The following CADM2 variants were observed in gnomAD, a reference collection of about 807,000 sequenced individuals.
CADM2 encodes immunoglobulin superfamily member 4D.
CADM2 carries 12 observed loss-of-function variants against 49.8 expected under a neutral mutation model. That is an observed-to-expected ratio of 0.24 (90% confidence interval 0.15 to 0.39). The LOEUF (loss-of-function observed/expected upper bound fraction) is 0.39. Ranked by LOEUF, CADM2 falls within the 10% of genes least tolerant of loss-of-function variation. The probability of loss-of-function intolerance (pLI) is 1.00; values close to 1 mark genes in which losing one functional copy is unlikely to be tolerated. For missense variants in CADM2, 378 were observed against 492.3 expected, an observed-to-expected ratio of 0.77 and a Z score of 2.20; for synonymous variants, 214 against 175.4, an observed-to-expected ratio of 1.22 and a Z score of -1.74.
intron 1 of CADM2, among the ~76,000 whole-genome samples, chr3:85,709,468 T>C (rs754052435): frequency 6.6e-6 from 1 of 152,138 alleles, no homozygotes; most frequent in South Asian, 2.1e-4. Context: ...GAGGCAGTGC[T>C]TTGTTAATAT....
chr3:85,120,053 A>T (rs2101343), intron 1 of CADM2, among the ~76,000 whole-genome samples: 11,855 of 152,274 alleles, frequency 0.078, 1,519 homozygotes, highest in African/African-American at 0.27. Context: ...TCTCAAAAGA[A>T]GATGTATATG....
intron 1 of CADM2, among the ~76,000 whole-genome samples, chr3:85,289,527 T>G (rs1042840911): frequency 3.9e-5 from 6 of 152,212 alleles, no homozygotes; most frequent in African/African-American, 4.8e-5. Flanking sequence ...AGCCCCAACA[T>G]GAACCTTCTT....
chr3:85,801,918 T>C lies in CADM2; in HGVS notation c.89-129T>C, dbSNP rs577871346. ...AATTATTTTTCTGTCTTTTGTAATA[T>C]ACAGTTTTGTCGTTGTTTGGTTGTT... On this transcript the variant is annotated intron_variant, in intron 2 of 9. Coordinates refer to ENST00000383699, the MANE Select transcript of CADM2 (RefSeq NM_001167675.2). 5 of 685,298 alleles carry C rather than the reference T, an allele frequency of 7.3e-6. No homozygotes were observed. In the South Asian group the frequency reaches 7.4e-5, roughly 10 times the overall value. 42.5% of individuals were successfully genotyped at this position (685,298 alleles called of 1,614,324 possible). A position where few individuals can be genotyped will look rare whatever the true frequency, so the allele number is the denominator to read the frequency against.
intron 3 of CADM2, among the ~76,000 whole-genome samples, chr3:85,829,237 G>A (rs1481025338): frequency 1.3e-5 from 2 of 151,644 alleles, no homozygotes; most frequent in African/African-American, 2.4e-5. Flanking sequence ...TGAAGGACTG[G>A]CTTTCTCTGC....
chr3:85,562,555 C>T (rs2062127998), intron 1 of CADM2, among the ~76,000 whole-genome samples: 1 of 148,662 alleles, frequency 6.7e-6, no homozygotes, highest in Non-Finnish European at 1.5e-5. Flanking sequence ...ATAATTCTGA[C>T]ACATGGTAGA....
chr3:85,294,557 A>T (rs1468442983), intron 1 of CADM2, among the ~76,000 whole-genome samples: 5 of 152,106 alleles, frequency 3.3e-5, no homozygotes, highest in Admixed American at 6.6e-5. Context: ...AGGCTACAGT[A>T]CCCAAAACAG....
chr3:85,021,345 G>A (rs1056576260), intron 1 of CADM2, among the ~76,000 whole-genome samples: 42 of 152,148 alleles, frequency 2.8e-4, no homozygotes, highest in African/African-American at 9.9e-4. Context: ...AGTTAGTGTA[G>A]GTGATTTGTC....
At chr3:85,021,138 G>A (rs1169022176) in intron 1 of CADM2, among the ~76,000 whole-genome samples, 19 of 145,030 alleles carry the variant, frequency 1.3e-4, no homozygotes, top group South Asian at 4.3e-4. Context: ...AAAAAAGGGG[G>A]AAAAAAAAGA....
At chr3:85,404,736 T>C (rs2035290816) in intron 1 of CADM2, among the ~76,000 whole-genome samples, 1 of 152,090 alleles carries the variant, frequency 6.6e-6, no homozygotes, top group African/African-American at 2.4e-5. Flanking sequence ...GTCTTCATAT[T>C]ATCCTGAGGT....
intron 1 of CADM2, among the ~76,000 whole-genome samples, chr3:85,610,247 G>A (rs1214114904): frequency 1.3e-5 from 2 of 151,880 alleles, no homozygotes; most frequent in East Asian, 1.9e-4. Context: ...CAGTCAAATG[G>A]TAGTGGTCCC....
chr3:85,062,556 A>G (rs1486242715), intron 1 of CADM2, among the ~76,000 whole-genome samples: 1 of 151,968 alleles, frequency 6.6e-6, no homozygotes, highest in East Asian at 1.9e-4. Flanking sequence ...ACTAAAAATA[A>G]TTTTTAAAAT....
intron 1 of CADM2, among the ~76,000 whole-genome samples, chr3:85,204,437 C>A (rs1308183847): frequency 6.6e-6 from 1 of 152,056 alleles, no homozygotes; most frequent in Non-Finnish European, 1.5e-5. Flanking sequence ...TTGGCAGTGA[C>A]CTCCTATTTC....
chr3:85,210,538 A>AT (rs750157218), intron 1 of CADM2, among the ~76,000 whole-genome samples: 5 of 150,512 alleles, frequency 3.3e-5, no homozygotes, highest in Admixed American at 2.6e-4. Flanking sequence ...ATTTTTGGGG[A>AT]TTTTTTTCTT....
chr3:85,319,738 T>C lies in CADM2; in HGVS notation c.61+360070T>C, dbSNP rs551032595. 4.6e-5 allele frequency among the ~76,000 whole-genome samples: 7 copies of C among 152,088 alleles called. No homozygotes were observed. The East Asian group carries it at 1.4e-3, about 29-fold the overall frequency. Reference sequence around the variant, plus strand: ...TTCTCACAACAAGAACACTTGGACATAAAGAGGGGAACAACAGACACTGTG... The same window carrying C: ...TTCTCACAACAAGAACACTTGGACACAAAGAGGGGAACAACAGACACTGTG... On this transcript the variant is annotated intron_variant, in intron 1 of 9. Coordinates refer to ENST00000383699, the MANE Select transcript of CADM2 (RefSeq NM_001167675.2).
At chr3:85,423,062 C>T (rs538737505) in intron 1 of CADM2, among the ~76,000 whole-genome samples, 2 of 152,208 alleles carry the variant, frequency 1.3e-5, no homozygotes, top group South Asian at 4.2e-4. Flanking sequence ...AGGTGGCTTT[C>T]AGCAGGATGG....
intron 4 of CADM2, among the ~76,000 whole-genome samples, chr3:85,884,617 G>A (rs751040221): frequency 6.6e-6 from 1 of 151,960 alleles, no homozygotes; most frequent in African/African-American, 2.4e-5. Flanking sequence ...GTAGTATGTA[G>A]GTGAAGACAA....
rs138564425 is a variant in CADM2, at chr3:85,831,144, T to A, written c.238+28948T>A. ...CTTAGGATAATGGTCTCCAGCTGCA[T>A]CCATGCTGCTGCAAAGGACACAGGT... On this transcript the variant is annotated intron_variant, in intron 3 of 9. Transcript: ENST00000383699. 8.3e-3 allele frequency among the ~76,000 whole-genome samples: 1,261 copies of A among 152,020 alleles called. 16 individuals are homozygous for A. The highest frequency in any genetic ancestry group is 0.031 in the Middle Eastern group (9 of 294).
In CADM2 at chr3:86,073,642, G is replaced by A. The variant is rs192029836; in HGVS notation, c.*6859G>A. ...ATGGAAAAATAAAATTTGAATTTTA[G>A]TTATCTGTTGGACATTACTGAATTG... On this transcript the variant is annotated 3_prime_UTR_variant, in exon 10 of 10. Transcript: ENST00000383699. 3 of 152,012 alleles carry A rather than the reference G, an allele frequency of 2.0e-5. No homozygotes were observed. The East Asian group carries it at 5.8e-4, about 29-fold the overall frequency. 9.4% of individuals were successfully genotyped at this position (152,012 alleles called of 1,614,324 possible). A position where few individuals can be genotyped will look rare whatever the true frequency, so the allele number is the denominator to read the frequency against.
At chr3:86,017,609 G>C (rs1406208613) in intron 8 of CADM2, among the ~76,000 whole-genome samples, 1 of 151,504 alleles carries the variant, frequency 6.6e-6, no homozygotes, top group Non-Finnish European at 1.5e-5. Flanking sequence ...TACACGTGTA[G>C]TCTCAGCTCT....
Sources: allele counts gnomAD v4.1 joint callset (sites outside exome capture counted in the v4.1 genomes callset), GRCh38; gene constraint gnomAD v4.1.1; transcripts MANE v1.5; gene names NCBI Gene and HGNC (gene_info 2026-07-23, HGNC 2026-07-21).